SUGCT: variants seen among roughly 807,000 people sequenced by gnomAD.
SUGCT encodes succinyl-CoA:glutarate CoA-transferase.
SUGCT carries 41 observed loss-of-function variants against 55.0 expected under a neutral mutation model. That is an observed-to-expected ratio of 0.74 (90% CI 0.58 to 0.97). SUGCT has a LOEUF of 0.97. Ranked by LOEUF, SUGCT falls within the 50% of genes least tolerant of loss-of-function variation. The pLI is 0.00. For synonymous variants in SUGCT, 187 were observed against 200.4 expected (o/e 0.93, Z 0.56); for missense variants, 568 against 547.8 (o/e 1.04, Z -0.37).
intron 1 of SUGCT, among the ~76,000 whole-genome samples, chr7:40,158,706 T>G (rs937779626): frequency 6.6e-6 from 1 of 152,188 alleles, no homozygotes; most frequent in African/African-American, 2.4e-5. Flanking sequence ...GCTGAGATTG[T>G]GCCACTTCAC....
At chr7:40,781,543 G>C (rs1185056242) in intron 13 of SUGCT, among the ~76,000 whole-genome samples, 1 of 152,032 alleles carries the variant, frequency 6.6e-6, no homozygotes, top group African/African-American at 2.4e-5. Context: ...TAATAATGAA[G>C]CTATATAAGT....
At chr7:40,419,458 T>C (rs1787188056) in intron 9 of SUGCT, among the ~76,000 whole-genome samples, 1 of 152,262 alleles carries the variant, frequency 6.6e-6, no homozygotes, top group Non-Finnish European at 1.5e-5. Flanking sequence ...AGGAGAGTTC[T>C]AATTATTACT....
At chr7:40,328,915 G>A (rs538229411) in intron 9 of SUGCT, among the ~76,000 whole-genome samples, 2 of 152,096 alleles carry the variant, frequency 1.3e-5, no homozygotes, top group Non-Finnish European at 2.9e-5. Context: ...GTTTGGGTGA[G>A]GCCTGGCATA....
chr7:40,727,460 C>A (rs566401180), intron 12 of SUGCT, among the ~76,000 whole-genome samples: 1 of 152,232 alleles, frequency 6.6e-6, no homozygotes, highest in Non-Finnish European at 1.5e-5. Context: ...AGTTCCAAGG[C>A]CCTGATAGTT....
chr7:40,708,024 T>C (rs1785511147), intron 12 of SUGCT, among the ~76,000 whole-genome samples: 1 of 152,204 alleles, frequency 6.6e-6, no homozygotes, highest in Non-Finnish European at 1.5e-5. Flanking sequence ...TTAATAATAT[T>C]TATATACTTT....
chr7:40,649,301 A>G (rs545961805), intron 12 of SUGCT, among the ~76,000 whole-genome samples: 1 of 152,196 alleles, frequency 6.6e-6, no homozygotes, highest in Admixed American at 6.5e-5. Context: ...CTTCTTTGCC[A>G]CTTTTTACCT....
chr7:40,597,581 A>G (rs1295168181), intron 12 of SUGCT, among the ~76,000 whole-genome samples: 1 of 152,128 alleles, frequency 6.6e-6, no homozygotes, highest in Non-Finnish European at 1.5e-5. Flanking sequence ...TGGGATGAAG[A>G]CTAGATCTGG....
At chr7:40,895,325 G>A in the SUGCT span, among the ~76,000 whole-genome samples, 3 of 151,998 alleles carry the variant, frequency 2.0e-5, no homozygotes, top group African/African-American at 7.3e-5. Context: ...TGGAGGGTGG[G>A]AGGAGGGAGA....
At chr7:41,000,118 G>T in the SUGCT span, among the ~76,000 whole-genome samples, 1 of 152,174 alleles carries the variant, frequency 6.6e-6, no homozygotes, top group South Asian at 2.1e-4. Context: ...ATGAGCAATT[G>T]TAATTCAAAT....
At chr7:40,669,531 AG>A (rs999460514) in intron 12 of SUGCT, among the ~76,000 whole-genome samples, 15 of 152,012 alleles carry the variant, frequency 9.9e-5, no homozygotes, top group Middle Eastern at 3.4e-3. Flanking sequence ...ATGAAAATAT[AG>A]AAAATCTCAG....
At chr7:40,796,110 G>A (rs1459887626) in intron 13 of SUGCT, among the ~76,000 whole-genome samples, 1 of 151,644 alleles carries the variant, frequency 6.6e-6, no homozygotes, top group African/African-American at 2.4e-5. Flanking sequence ...CCTTTTCTCT[G>A]TTTGTCTGTG....
chr7:40,697,813 C>T (rs1430004615), intron 12 of SUGCT, among the ~76,000 whole-genome samples: 1 of 152,196 alleles, frequency 6.6e-6, no homozygotes, highest in Admixed American at 6.5e-5. Flanking sequence ...ATGGCTCATA[C>T]TACACCTTAT....
chr7:40,508,815 A>G (rs1437756686), intron 12 of SUGCT, among the ~76,000 whole-genome samples: 3 of 152,134 alleles, frequency 2.0e-5, no homozygotes, highest in Non-Finnish European at 4.4e-5. Flanking sequence ...AGATAACCCA[A>G]ATGTATCTTT....
chr7:40,464,732 G>C (rs1583749692), intron 11 of SUGCT, among the ~76,000 whole-genome samples: 1 of 152,244 alleles, frequency 6.6e-6, no homozygotes, highest in East Asian at 1.9e-4. Flanking sequence ...AGCTACTTTG[G>C]GAAAGAAACC....
chr7:40,428,900 A>G (rs1366043279), intron 9 of SUGCT, among the ~76,000 whole-genome samples: 1 of 152,198 alleles, frequency 6.6e-6, no homozygotes, highest in African/African-American at 2.4e-5. Flanking sequence ...TTTAAGGCAG[A>G]TATTGAGAGG....
chr7:40,620,624 A>T (rs189721003), intron 12 of SUGCT, among the ~76,000 whole-genome samples: 10 of 152,166 alleles, frequency 6.6e-5, no homozygotes, highest in Admixed American at 3.3e-4. Context: ...GCTGGTTTTG[A>T]GCTCCTGAAC....
the SUGCT span, among the ~76,000 whole-genome samples, chr7:40,951,182 T>A: frequency 0.051 from 7,708 of 152,240 alleles, 289 homozygotes; most frequent in South Asian, 0.16. Context: ...CCTGGTTTAG[T>A]CTTGGGAGGG....
At chr7:40,470,434 G>A (rs1392915347) in intron 11 of SUGCT, among the ~76,000 whole-genome samples, 2 of 152,020 alleles carry the variant, frequency 1.3e-5, no homozygotes, top group Non-Finnish European at 2.9e-5. Context: ...GCTGAGTCCC[G>A]ATTTCCACCA....
the SUGCT span, among the ~76,000 whole-genome samples, chr7:40,926,892 C>T: frequency 6.6e-6 from 1 of 152,120 alleles, no homozygotes; most frequent in South Asian, 2.1e-4. Flanking sequence ...TCCATCAAGG[C>T]CAAATATTAG....
Sources: allele counts gnomAD v4.1 joint callset (sites outside exome capture counted in the v4.1 genomes callset), GRCh38; gene constraint gnomAD v4.1.1; transcripts MANE v1.5; gene names NCBI Gene and HGNC (gene_info 2026-07-23, HGNC 2026-07-21).